The following KANSL1 variants were observed in gnomAD, a reference collection of about 807,000 sequenced individuals.
KANSL1 encodes KAT8 regulatory NSL complex subunit 1.
In KANSL1, 22 loss-of-function variants were observed where a neutral mutation model predicts 103.6. That is an observed-to-expected ratio of 0.21 (90% CI 0.15 to 0.30). KANSL1 has a LOEUF of 0.30. KANSL1 is among the 10% of genes least tolerant of loss of function. The probability of loss-of-function intolerance (pLI) is 1.00; values close to 1 mark genes in which losing one functional copy is unlikely to be tolerated. For missense variants in KANSL1, 1,337 were observed against 1,399.8 expected (o/e 0.96, Z 0.72); for synonymous variants, 600 against 527.6 (o/e 1.14, Z -1.88).
intron 2 of KANSL1, among the ~76,000 whole-genome samples, chr17:46,156,508 T>C (rs1319561847): frequency 6.6e-6 from 1 of 152,220 alleles, no homozygotes; most frequent in Non-Finnish European, 1.5e-5. Flanking sequence ...TCCTTCCCTC[T>C]AACCACTCCC....
intron 2 of KANSL1, among the ~76,000 whole-genome samples, chr17:46,129,596 C>T (rs559412257): frequency 1.3e-5 from 2 of 152,294 alleles, no homozygotes; most frequent in South Asian, 2.1e-4. Flanking sequence ...TCTGATAAAT[C>T]AGTCAGAGTG....
At chr17:46,075,359 G>A (rs1298757369) in intron 4 of KANSL1, among the ~76,000 whole-genome samples, 2 of 147,658 alleles carry the variant, frequency 1.4e-5, no homozygotes, top group East Asian at 3.9e-4. Context: ...CTTTCTTTCT[G>A]ACACAATCTC....
chr17:46,034,340 C>A, intron 10 of KANSL1, 55 bp from the exon 11 acceptor site: 1 of 1,593,546 alleles, frequency 6.3e-7, no homozygotes, highest in Non-Finnish European at 8.6e-7. Flanking sequence ...GACATCAAAT[C>A]ATTCATCTAA....
intron 2 of KANSL1, among the ~76,000 whole-genome samples, chr17:46,144,750 T>G (rs2044610627): frequency 6.7e-6 from 1 of 150,286 alleles, no homozygotes; most frequent in South Asian, 2.1e-4. Flanking sequence ...GATTTTGCTT[T>G]TTCAGTCCCC....
intron 1 of KANSL1, chr17:46,192,309 T>TCA (rs2047373481): frequency 7.2e-6 from 1 of 139,186 alleles, no homozygotes; most frequent in Admixed American, 7.2e-5. Context: ...CCTCTTTAGT[T>TCA]TAAAAAAAAA....
At chr17:46,108,997 G>A (rs1359157827) in intron 2 of KANSL1, among the ~76,000 whole-genome samples, 1 of 152,204 alleles carries the variant, frequency 6.6e-6, no homozygotes, top group African/African-American at 2.4e-5. Flanking sequence ...CACCCGGGCT[G>A]AAGGGCAGTG....
intron 2 of KANSL1, among the ~76,000 whole-genome samples, chr17:46,095,796 C>T (rs556283938): frequency 5.9e-5 from 9 of 151,866 alleles, no homozygotes; most frequent in Non-Finnish European, 1.3e-4. Context: ...GATTAAACAT[C>T]AGAATATGTA....
chr17:46,136,883 A>G (rs2044172168), intron 2 of KANSL1, among the ~76,000 whole-genome samples: 1 of 152,242 alleles, frequency 6.6e-6, no homozygotes, highest in African/African-American at 2.4e-5. Flanking sequence ...AATGTGTATA[A>G]ATTAAAAAAC....
intron 2 of KANSL1, chr17:46,121,350 T>TCA (rs1222130359): frequency 6.6e-6 from 1 of 152,440 alleles, no homozygotes; most frequent in African/African-American, 2.4e-5. Flanking sequence ...GTCTATGACT[T>TCA]CACCTCCTGT....
chr17:46,214,914 C>T (rs935386827), intron 1 of KANSL1, among the ~76,000 whole-genome samples: 3 of 152,234 alleles, frequency 2.0e-5, no homozygotes, highest in Non-Finnish European at 2.9e-5. Flanking sequence ...ATCTGCATTC[C>T]TTTGATTATT....
intron 2 of KANSL1, among the ~76,000 whole-genome samples, chr17:46,157,658 G>T (rs568967979): frequency 1.3e-5 from 2 of 152,196 alleles, no homozygotes; most frequent in African/African-American, 4.8e-5. Flanking sequence ...TAAGCAAACC[G>T]CCTGCAAATA....
chr17:46,065,901 T>TC (rs2078359820), intron 6 of KANSL1, among the ~76,000 whole-genome samples: 1 of 152,166 alleles, frequency 6.6e-6, no homozygotes, highest in Non-Finnish European at 1.5e-5. Flanking sequence ...TCTCACTCTG[T>TC]CACCCAAGCT....
intron 2 of KANSL1, among the ~76,000 whole-genome samples, chr17:46,113,311 G>A (rs1259869893): frequency 6.6e-6 from 1 of 152,198 alleles, no homozygotes; most frequent in African/African-American, 2.4e-5. Flanking sequence ...GGCCCCACGT[G>A]TTTGCAGGTT....
At chr17:46,152,582 AG>A (rs35438677) in intron 2 of KANSL1, among the ~76,000 whole-genome samples, 20,348 of 99,716 alleles carry the variant, frequency 0.2, 3,263 homozygotes, top group East Asian at 0.46. Context: ...ATAGACACAA[AG>A]GGGGGGGGGG....
intron 4 of KANSL1, among the ~76,000 whole-genome samples, chr17:46,079,418 T>A (rs2078904313): frequency 6.6e-6 from 1 of 152,234 alleles, no homozygotes; most frequent in Non-Finnish European, 1.5e-5. Context: ...TAACTTTGTT[T>A]TACCTACTAT....
intron 2 of KANSL1, chr17:46,121,406 G>C (rs1345704722): frequency 6.6e-6 from 1 of 152,272 alleles, no homozygotes; most frequent in South Asian, 2.1e-4. Context: ...TTTGCTTGCC[G>C]GATTACTTCA....
At chr17:46,194,464 C>T (rs965881769), upstream of KANSL1, among the ~76,000 whole-genome samples, 11 of 152,170 alleles carry the variant, frequency 7.2e-5, no homozygotes, top group African/African-American at 2.7e-4. Flanking sequence ...TATATTGTCC[C>T]CAAAATAGGA....
At chr17:46,100,462 G>A (rs1447818905) in intron 2 of KANSL1, among the ~76,000 whole-genome samples, 16 of 124,714 alleles carry the variant, frequency 1.3e-4, no homozygotes, top group Admixed American at 2.5e-4. Flanking sequence ...AAAAAAAAAA[G>A]CGCCCTCTAT....
At chr17:46,121,733 T>G (rs1358592320) in intron 2 of KANSL1, among the ~76,000 whole-genome samples, 1 of 152,062 alleles carries the variant, frequency 6.6e-6, no homozygotes, top group Non-Finnish European at 1.5e-5. Context: ...CACTTAGTAA[T>G]TATTTGTTGA....
Sources: gnomAD v4.1 joint callset for allele counts (sites outside exome capture counted in the v4.1 genomes callset) on GRCh38, gnomAD v4.1.1 for gene constraint, MANE v1.5 for transcripts, NCBI Gene and HGNC (gene_info 2026-07-23, HGNC 2026-07-21) for gene names.